Variants in SMIM13 observed in about 807,000 individuals in gnomAD.
SMIM13 encodes the protein small integral membrane protein 13.
SMIM13 carries 3 observed loss-of-function variants against 5.9 expected under a neutral mutation model. That is an observed-to-expected ratio of 0.51 (90% CI 0.23 to 1.31). The LOEUF is 1.31. Ranked by LOEUF, SMIM13 falls within the 40% of genes most tolerant of loss-of-function variation. SMIM13 has a pLI of 0.18. For synonymous variants in SMIM13, 55 were observed against 46.0 expected, an observed-to-expected ratio of 1.19 and a Z score of -0.79; for missense variants, 85 against 109.9, an observed-to-expected ratio of 0.77 and a Z score of 1.01.
At chr6:11,098,712 C>T (rs1757955573) in intron 1 of SMIM13, among the ~76,000 whole-genome samples, 1 of 152,194 alleles carries the variant, frequency 6.6e-6, no homozygotes, top group South Asian at 2.1e-4. Flanking sequence ...GGACTACAGG[C>T]ATGAGCCACC....
intron 1 of SMIM13, among the ~76,000 whole-genome samples, chr6:11,131,880 G>A (rs1217112230): frequency 2.6e-5 from 4 of 152,078 alleles, no homozygotes; most frequent in Admixed American, 1.3e-4. Flanking sequence ...TCCTAGATAT[G>A]CCATCCAAAG....
intron 1 of SMIM13, among the ~76,000 whole-genome samples, chr6:11,117,803 G>A (rs922547966): frequency 4.0e-5 from 6 of 150,848 alleles, no homozygotes; most frequent in African/African-American, 1.5e-4. Flanking sequence ...AGGCTGGAGT[G>A]CAGTGGCAAG....
intron 1 of SMIM13, among the ~76,000 whole-genome samples, chr6:11,129,081 G>GT (rs538204753): frequency 6.6e-6 from 1 of 151,130 alleles, no homozygotes; most frequent in African/African-American, 2.4e-5. Flanking sequence ...CCGGGAGCGG[G>GT]GGGGGGATGA....
At chr6:11,095,945 G>A (rs1248917880) in intron 1 of SMIM13, among the ~76,000 whole-genome samples, 2 of 152,206 alleles carry the variant, frequency 1.3e-5, no homozygotes, top group African/African-American at 2.4e-5. Context: ...GGGAATGAAT[G>A]TGACACGTAG....
chr6:11,116,262 G>A (rs12529972), intron 1 of SMIM13, among the ~76,000 whole-genome samples: 2 of 151,736 alleles, frequency 1.3e-5, no homozygotes, highest in East Asian at 1.9e-4. Flanking sequence ...CAGGTGATCC[G>A]CCCACCTCAG....
chr6:11,103,903 A>G (rs1378761971), intron 1 of SMIM13: 1 of 1,551,688 alleles, frequency 6.4e-7, no homozygotes, highest in East Asian at 2.4e-5. Context: ...CAATTTAACC[A>G]ACCCTGAGTG....
At chr6:11,127,523 G>T (rs1203530569) in intron 1 of SMIM13, among the ~76,000 whole-genome samples, 1 of 152,202 alleles carries the variant, frequency 6.6e-6, no homozygotes, top group African/African-American at 2.4e-5. Flanking sequence ...AAAGAAAGAG[G>T]TTTAATTGGA....
intron 1 of SMIM13, among the ~76,000 whole-genome samples, chr6:11,095,339 T>C (rs757582830): frequency 2.0e-5 from 3 of 152,240 alleles, no homozygotes; most frequent in Non-Finnish European, 2.9e-5. Context: ...TATAAACTTA[T>C]ATGTTTATTT....
At chr6:11,110,857 G>A (rs1758157021) in intron 1 of SMIM13, among the ~76,000 whole-genome samples, 1 of 152,186 alleles carries the variant, frequency 6.6e-6, no homozygotes, top group Admixed American at 6.5e-5. Flanking sequence ...CCACAAAGGG[G>A]TGCTAACTCA....
At chr6:11,101,197 A>G (rs768398512) in intron 1 of SMIM13, among the ~76,000 whole-genome samples, 9 of 151,624 alleles carry the variant, frequency 5.9e-5, no homozygotes, top group Non-Finnish European at 1.2e-4. Context: ...TGAGTTTTTA[A>G]TTTTAGCTGT....
chr6:11,096,784 C>T (rs772291604), intron 1 of SMIM13, among the ~76,000 whole-genome samples: 9 of 152,114 alleles, frequency 5.9e-5, no homozygotes, highest in Non-Finnish European at 1.2e-4. Flanking sequence ...ACCGCAACCT[C>T]TGCCACCCGG....
chr6:11,095,378 TTGCCCAGGCAGGAG>T (rs1202922685), intron 1 of SMIM13, among the ~76,000 whole-genome samples: 11 of 152,230 alleles, frequency 7.2e-5, no homozygotes, highest in African/African-American at 2.7e-4. Flanking sequence ...CTCGCTCTTG[TTGCCCAGGCAGGAG>T]TGCAATGCAG....
chr6:11,094,976 C>T (rs1166101537), intron 1 of SMIM13, among the ~76,000 whole-genome samples: 2 of 152,188 alleles, frequency 1.3e-5, no homozygotes, highest in Non-Finnish European at 2.9e-5. Context: ...ATTTCGAATG[C>T]TGTGCGTATT....
chr6:11,109,722 G>C (rs1225714779), intron 1 of SMIM13, among the ~76,000 whole-genome samples: 1 of 152,068 alleles, frequency 6.6e-6, no homozygotes, highest in Non-Finnish European at 1.5e-5. Context: ...TTCAACCCAG[G>C]CTGTATTACA....
In SMIM13 at chr6:11,130,267, A is replaced by ACAAC. The variant is rs1554119987; in HGVS notation, c.77-4136_77-4135insCAAC. The stretch of plus-strand genomic sequence containing the variant: ...AGTAGTCATTGTAAAAAAAAAAAAA[A>ACAAC]AACAACAACAACAACAACAACTGGG... On this transcript the variant is annotated intron_variant, in intron 1 of 1. Coordinates refer to ENST00000416247, the MANE Select transcript of SMIM13 (RefSeq NM_001135575.2). Among the ~76,000 whole-genome samples the ACAAC allele has an allele frequency of 2.5e-3, 368 of 145,740 alleles. 3 individuals carry two copies. The highest frequency in any genetic ancestry group is 4.1e-3 in the Non-Finnish European group (272 of 66,040).
chr6:11,105,219 A>G, intron 1 of SMIM13: 1 of 1,614,200 alleles, frequency 6.2e-7, no homozygotes, highest in Non-Finnish European at 8.5e-7. Flanking sequence ...ACTTTGGAGC[A>G]GTTGCTGAGC....
chr6:11,094,243 G>C lies in SMIM13; in HGVS notation c.-71G>C. ...CCTGGCGCCCGCCGCTGAAGCGCAG[G>C]ACGCGCCGCCGCCCGCGCTCACCGC... is the stretch of plus-strand genomic sequence containing the variant. On this transcript the variant is annotated 5_prime_UTR_variant, in exon 1 of 2. Coordinates refer to ENST00000416247, the MANE Select transcript of SMIM13 (RefSeq NM_001135575.2). The C allele has an allele frequency of 1.1e-6, 1 of 937,808 alleles. No individual in the cohort carries two copies. Among genetic ancestry groups the C allele is most frequent in the Admixed American group, 3.7e-5 (1 of 26,850 alleles). The allele number at this position is 937,808 out of a possible 1,614,324, so 58.1% of individuals were successfully genotyped here.
Position 11,127,216 on chromosome 6 carries a change from A to C in SMIM13, c.77-7187A>C, listed in dbSNP as rs113748187. ...ATCTAGTCAGGCTTCTGTCCTTCCC[A>C]TTAGGGTGGGGTGAGTTCTCCCCTA... On this transcript the variant is annotated intron_variant, in intron 1 of 1. Transcript: ENST00000416247. Among the ~76,000 whole-genome samples the C allele has an allele frequency of 2.4e-3, 358 of 152,226 alleles. 2 individuals carry two copies. The highest frequency in any genetic ancestry group is 8.1e-3 in the African/African-American group (336 of 41,532).
chr6:11,124,495 T>G (rs1758351013), intron 1 of SMIM13, among the ~76,000 whole-genome samples: 2 of 152,180 alleles, frequency 1.3e-5, no homozygotes, highest in African/African-American at 4.8e-5. Flanking sequence ...GATTTCCTTT[T>G]TTTAGGGGGG....
Sources: gnomAD v4.1 joint callset for allele counts (sites outside exome capture counted in the v4.1 genomes callset) on GRCh38, gnomAD v4.1.1 for gene constraint, MANE v1.5 for transcripts, NCBI Gene and HGNC (gene_info 2026-07-23, HGNC 2026-07-21) for gene names.